The following KLF7 variants were observed in gnomAD, a reference collection of about 807,000 sequenced individuals.
KLF7 encodes KLF transcription factor 7, also known as Krueppel-like factor 7.
A neutral mutation model predicts 27.3 loss-of-function variants in KLF7; 2 were observed. That is an observed-to-expected ratio of 0.07 (90% CI 0.03 to 0.23). The LOEUF (loss-of-function observed/expected upper bound fraction) is 0.23, where lower values mean the gene tolerates loss of function less well. KLF7 is among the 10% of genes least tolerant of loss of function. The probability of loss-of-function intolerance (pLI) is 1.00; values close to 1 mark genes in which losing one functional copy is unlikely to be tolerated. For synonymous variants in KLF7, 165 were observed against 162.4 expected (o/e 1.02, Z -0.12); for missense variants, 221 against 394.1 (o/e 0.56, Z 3.72).
At chr2:207,098,450 A>G (rs1392183856) in intron 2 of KLF7, among the ~76,000 whole-genome samples, 1 of 152,184 alleles carries the variant, frequency 6.6e-6, no homozygotes. Flanking sequence ...TCACTCTGTA[A>G]GTCAAGTTCT....
intron 2 of KLF7, among the ~76,000 whole-genome samples, chr2:207,097,960 A>G (rs945548474): frequency 1.3e-5 from 2 of 152,182 alleles, no homozygotes; most frequent in African/African-American, 4.8e-5. Context: ...GGCAAAACAA[A>G]AACTCATAAC....
At chr2:207,124,838 T>G (rs1162265483) in intron 1 of KLF7, among the ~76,000 whole-genome samples, 2 of 152,170 alleles carry the variant, frequency 1.3e-5, no homozygotes, top group Non-Finnish European at 2.9e-5. Flanking sequence ...AAAACAGACT[T>G]GAGCACATCA....
At chr2:207,167,542 T>A (rs2078747651), upstream of KLF7, among the ~76,000 whole-genome samples, 1 of 152,232 alleles carries the variant, frequency 6.6e-6, no homozygotes, top group African/African-American at 2.4e-5. Flanking sequence ...AATTCAGTAT[T>A]TGCCAAGGAA....
At chr2:207,133,999 CG>C in intron 1 of KLF7, 1 of 1,251,572 alleles carries the variant, frequency 8.0e-7, no homozygotes, top group South Asian at 1.4e-5. Context: ...CACCCCCACC[CG>C]CTCCTGTTAA....
intron 1 of KLF7, among the ~76,000 whole-genome samples, chr2:207,136,804 G>C (rs773138285): frequency 6.6e-6 from 1 of 152,150 alleles, no homozygotes; most frequent in Non-Finnish European, 1.5e-5. Flanking sequence ...GGGAACACGT[G>C]AGCTGGTGTC....
At chr2:207,123,415 G>A (rs534589962) in intron 2 of KLF7, among the ~76,000 whole-genome samples, 1 of 152,302 alleles carries the variant, frequency 6.6e-6, no homozygotes, top group South Asian at 2.1e-4. Flanking sequence ...TCAGCTCCCA[G>A]TGTTGATCAA....
rs896028029 is a variant in KLF7 at position 207,094,242 on chromosome 2, T to C, written c.734-5661A>G. On this transcript the variant is annotated intron_variant, in intron 2 of 3. Transcript: ENST00000309446. ...AATAAACTCACTAATACAAATGTTCTGCATTCATTTCCTGATCTGCAAAAT... is the reference window on the plus strand; with the variant it reads ...AATAAACTCACTAATACAAATGTTCCGCATTCATTTCCTGATCTGCAAAAT... 1.2e-4 allele frequency among the ~76,000 whole-genome samples: 19 copies of C among 152,234 alleles called. 1 individual carries two copies. The highest frequency in any genetic ancestry group is 3.9e-4 in the Admixed American group (6 of 15,282).
chr2:207,134,474 A>T (rs916487902), intron 1 of KLF7, among the ~76,000 whole-genome samples: 1 of 152,112 alleles, frequency 6.6e-6, no homozygotes, highest in Non-Finnish European at 1.5e-5. Flanking sequence ...TCCACTGCGG[A>T]ATGTTAAAGA....
At position 207,080,695 on chromosome 2, in the gene KLF7, A is replaced by G. The variant is rs2076250694; in HGVS notation, c.*518T>C. On this transcript the variant is annotated 3_prime_UTR_variant, in exon 4 of 4. Coordinates refer to ENST00000309446, the MANE Select transcript of KLF7 (RefSeq NM_003709.4). ...AGTTAATTTTGGCTACCAAACTGCAATTTGGTTTTCTAGGTCATTTTCCCC... is the reference window on the plus strand; with the variant it reads ...AGTTAATTTTGGCTACCAAACTGCAGTTTGGTTTTCTAGGTCATTTTCCCC... 2.5e-6 allele frequency: 1 copy of G among 397,632 alleles called. No homozygotes were observed. Among genetic ancestry groups the G allele is most frequent in the South Asian group, 1.4e-4 (1 of 7,056 alleles). 24.6% of individuals were successfully genotyped at this position (397,632 alleles called of 1,614,324 possible).
chr2:207,146,896 G>A (rs1214376968), intron 1 of KLF7, among the ~76,000 whole-genome samples: 2 of 152,160 alleles, frequency 1.3e-5, no homozygotes, highest in Admixed American at 6.5e-5. Flanking sequence ...GGTAGGGCAC[G>A]GACATTCCTG....
chr2:207,155,383 A>G (rs942518739), intron 1 of KLF7, among the ~76,000 whole-genome samples: 1 of 152,192 alleles, frequency 6.6e-6, no homozygotes, highest in Non-Finnish European at 1.5e-5. Flanking sequence ...CAGCCACAGT[A>G]AGACAACTTG....
intron 2 of KLF7, among the ~76,000 whole-genome samples, chr2:207,109,223 A>G (rs754164682): frequency 9.2e-5 from 14 of 152,252 alleles, no homozygotes; most frequent in Non-Finnish European, 1.6e-4. Flanking sequence ...AGGATTCTTA[A>G]GTTCAACCAA....
At chr2:207,112,160 T>G (rs182224334) in intron 2 of KLF7, among the ~76,000 whole-genome samples, 2 of 69,160 alleles carry the variant, frequency 2.9e-5, no homozygotes, top group East Asian at 1.0e-3. Flanking sequence ...GCTAATTCAT[T>G]TAATGGGCAA....
chr2:207,151,756 T>A (rs1021333682), intron 1 of KLF7, among the ~76,000 whole-genome samples: 2 of 148,042 alleles, frequency 1.4e-5, no homozygotes, highest in African/African-American at 5.0e-5. Context: ...ACACACAAAA[T>A]AGTAATAATC....
At chr2:207,125,097 A>G (rs1216276078) in intron 1 of KLF7, among the ~76,000 whole-genome samples, 1 of 152,256 alleles carries the variant, frequency 6.6e-6, no homozygotes. Flanking sequence ...AGGGGCATAA[A>G]TCCCATTTCA....
chr2:207,144,723 G>C (rs893465618), intron 1 of KLF7, among the ~76,000 whole-genome samples: 2 of 152,212 alleles, frequency 1.3e-5, no homozygotes, highest in African/African-American at 4.8e-5. Context: ...GACATTAAAA[G>C]TAAACCAACT....
At chr2:207,084,119 C>T (rs920742269) in intron 3 of KLF7, among the ~76,000 whole-genome samples, 5 of 152,044 alleles carry the variant, frequency 3.3e-5, no homozygotes, top group African/African-American at 1.2e-4. Context: ...GAAAATTAAT[C>T]CTGAGGTTAG....
intron 1 of KLF7, among the ~76,000 whole-genome samples, chr2:207,161,153 G>T (rs550457209): frequency 2.6e-5 from 4 of 152,328 alleles, no homozygotes; most frequent in African/African-American, 4.8e-5. Context: ...ACATGGAAAT[G>T]AATCTATTAA....
chr2:207,118,033 A>G (rs1234906147), intron 2 of KLF7, among the ~76,000 whole-genome samples: 1 of 152,240 alleles, frequency 6.6e-6, no homozygotes, highest in Non-Finnish European at 1.5e-5. Context: ...AATAAGAAGC[A>G]AAACAATCTA....
Sources: gnomAD v4.1 joint callset for allele counts (sites outside exome capture counted in the v4.1 genomes callset) on GRCh38, gnomAD v4.1.1 for gene constraint, MANE v1.5 for transcripts, NCBI Gene and HGNC (gene_info 2026-07-23, HGNC 2026-07-21) for gene names.